The following WDR48 variants were observed in gnomAD, a reference collection of about 807,000 sequenced individuals.
WDR48 encodes WD repeat-containing protein 48.
A neutral mutation model predicts 94.0 loss-of-function variants in WDR48; 22 were observed. That is an observed-to-expected ratio of 0.23 (90% CI 0.17 to 0.33). The LOEUF (loss-of-function observed/expected upper bound fraction) is 0.33, where lower values mean the gene tolerates loss of function less well. WDR48 is among the 10% of genes least tolerant of loss of function. The pLI, the probability that WDR48 is intolerant of heterozygous loss-of-function variation, is 1.00. For missense variants in WDR48, 541 were observed against 813.8 expected, an observed-to-expected ratio of 0.66 and a Z score of 4.08; for synonymous variants, 278 against 280.5, an observed-to-expected ratio of 0.99 and a Z score of 0.09.
chr3:39,077,990 G>T (rs746117824), intron 9 of WDR48, 147 bp from the exon 10 acceptor site: 1 of 595,104 alleles, frequency 1.7e-6, no homozygotes, highest in Non-Finnish European at 3.0e-6. Context: ...ATAGATAATT[G>T]TACTGTGACC....
At chr3:39,056,873 A>C (rs1455120629) in intron 1 of WDR48, among the ~76,000 whole-genome samples, 1 of 152,212 alleles carries the variant, frequency 6.6e-6, no homozygotes, top group African/African-American at 2.4e-5. Context: ...CCAGAAAAGC[A>C]GTAAAGGAAA....
intron 1 of WDR48, among the ~76,000 whole-genome samples, chr3:39,054,675 G>A (rs1265775395): frequency 1.3e-5 from 2 of 152,176 alleles, no homozygotes; most frequent in South Asian, 2.1e-4. Context: ...CAAGGGTGTT[G>A]TGTGAAGCCA....
chr3:39,095,208 ATAAAG>A lies in WDR48; in HGVS notation c.*469_*473del, dbSNP rs138624722. 5.1e-3 allele frequency: 817 copies of A among 159,860 alleles called. 2 individuals are homozygous for A. The highest frequency in any genetic ancestry group is 0.016 in the African/African-American group (660 of 41,758). 9.9% of individuals were successfully genotyped at this position (159,860 alleles called of 1,614,324 possible). On this transcript the variant is annotated 3_prime_UTR_variant, in exon 19 of 19. Coordinates refer to ENST00000302313, the MANE Select transcript of WDR48 (RefSeq NM_020839.4). ...TGAAGGCTTTTTCCAAGTTTGTCAT[ATAAAG>A]TAATCAAATTGTTTTCACCGTTTAA...
At chr3:39,071,600 T>C (rs2033938984) in intron 7 of WDR48, among the ~76,000 whole-genome samples, 1 of 152,246 alleles carries the variant, frequency 6.6e-6, no homozygotes, top group African/African-American at 2.4e-5. Flanking sequence ...CAGTTAGAAA[T>C]GCACTTCATC....
chr3:39,072,656 T>G (rs2034004577), intron 7 of WDR48, among the ~76,000 whole-genome samples: 1 of 152,200 alleles, frequency 6.6e-6, no homozygotes, highest in South Asian at 2.1e-4. Context: ...TGAAGGACAT[T>G]CTGTCCTAGT....
intron 14 of WDR48, among the ~76,000 whole-genome samples, chr3:39,086,062 C>G (rs1254369458): frequency 1.3e-5 from 2 of 152,118 alleles, no homozygotes; most frequent in Non-Finnish European, 2.9e-5. Flanking sequence ...CTGATTTTGA[C>G]TCTGTTTCAA....
intron 10 of WDR48, 89 bp from the exon 11 acceptor site, chr3:39,079,622 C>T: frequency 2.2e-6 from 2 of 892,334 alleles, no homozygotes; most frequent in East Asian, 2.8e-5. Context: ...GTTTATGTTC[C>T]TGTTAGATAC....
chr3:39,080,352 A>G (rs73828798), intron 11 of WDR48, among the ~76,000 whole-genome samples: 10 of 152,352 alleles, frequency 6.6e-5, no homozygotes, highest in African/African-American at 1.9e-4. Flanking sequence ...AGACATCACT[A>G]TGAGCATTAG....
intron 18 of WDR48, chr3:39,094,363 G>A (rs1015167643): frequency 3.8e-5 from 55 of 1,450,428 alleles, no homozygotes; most frequent in East Asian, 5.1e-5. Context: ...GAAGGTGTGC[G>A]GAGAAATGGC....
intron 10 of WDR48, among the ~76,000 whole-genome samples, chr3:39,078,834 TC>T (rs1166472167): frequency 6.6e-6 from 1 of 151,430 alleles, no homozygotes; most frequent in East Asian, 2.0e-4. Flanking sequence ...ATCGAGACCA[TC>T]CCGGCTAAAA....
In WDR48 at chr3:39,066,539, T is replaced by C. The variant is rs1457663312; in HGVS notation, c.269-9T>C. The C allele has an allele frequency of 1.2e-6, 2 of 1,612,546 alleles. No homozygotes were observed. Among genetic ancestry groups the C allele is most frequent in the Non-Finnish European group, 1.7e-6 (2 of 1,179,370 alleles). On this transcript the variant is annotated splice_polypyrimidine_tract_variant and intron_variant, in intron 3 of 18. Transcript: ENST00000302313. ...ACTAAGGAGTTTGTTAATTCTTTGC[T>C]TCTTCTAGTAATATCTGCTTCTTCT...
At chr3:39,073,542 A>G (rs2034051718) in intron 7 of WDR48, among the ~76,000 whole-genome samples, 1 of 152,164 alleles carries the variant, frequency 6.6e-6, no homozygotes, top group Non-Finnish European at 1.5e-5. Flanking sequence ...ATACTCCAGC[A>G]CCAGCAATTG....
intron 5 of WDR48, among the ~76,000 whole-genome samples, 185 bp downstream of exon 5, chr3:39,067,060 G>GAAAA (rs2033652229): frequency 6.6e-6 from 1 of 152,204 alleles, no homozygotes. Flanking sequence ...CCTCACTGCA[G>GAAAA]TCTAAAAATG....
At chr3:39,061,756 C>T (rs1349779518) in intron 1 of WDR48, among the ~76,000 whole-genome samples, 2 of 152,158 alleles carry the variant, frequency 1.3e-5, no homozygotes, top group Non-Finnish European at 2.9e-5. Context: ...TCCTCTCCAG[C>T]ATCTGTTGTT....
chr3:39,059,074 C>CAA (rs1178955423), intron 1 of WDR48, among the ~76,000 whole-genome samples: 1,738 of 68,646 alleles, frequency 0.025, 28 homozygotes, highest in Non-Finnish European at 0.034. Flanking sequence ...GACTCCGTCT[C>CAA]AAAAAAAAAA....
At chr3:39,075,817 T>C (rs6782794) in intron 8 of WDR48, among the ~76,000 whole-genome samples, 72,733 of 151,538 alleles carry the variant, frequency 0.48, 21,326 homozygotes, top group African/African-American at 0.84. Context: ...CCTCAGCCTC[T>C]GGAGTAGCTG....
intron 3 of WDR48, among the ~76,000 whole-genome samples, chr3:39,066,163 T>C (rs956680131): frequency 6.6e-6 from 1 of 152,208 alleles, no homozygotes; most frequent in Non-Finnish European, 1.5e-5. Context: ...TCATTTGAAC[T>C]GTATATAGAC....
At chr3:39,067,989 CAAA>C (rs907643859) in intron 5 of WDR48, among the ~76,000 whole-genome samples, 1 of 128,870 alleles carries the variant, frequency 7.8e-6, no homozygotes, top group African/African-American at 2.9e-5. Context: ...GGGAACAAAG[CAAA>C]AAAAAAAAAG....
At chr3:39,076,884 A>G (rs72859538) in intron 8 of WDR48, among the ~76,000 whole-genome samples, 12,559 of 152,254 alleles carry the variant, frequency 0.082, 735 homozygotes, top group African/African-American at 0.16. Context: ...AAGTACCTCA[A>G]ATTGACCACA....
Sources: gnomAD v4.1 joint callset for allele counts (sites outside exome capture counted in the v4.1 genomes callset) on GRCh38, gnomAD v4.1.1 for gene constraint, MANE v1.5 for transcripts, NCBI Gene and HGNC (gene_info 2026-07-23, HGNC 2026-07-21) for gene names.